Variants in MFAP5 observed in about 807,000 individuals in gnomAD.
The protein encoded by MFAP5 is microfibrillar-associated protein 5.
Under a neutral mutation model 30.1 loss-of-function variants are expected in MFAP5, and 19 were observed. The observed-to-expected ratio is 0.63, with a 90% CI of 0.44 to 0.93. MFAP5 has a LOEUF of 0.93. Among genes scored for constraint, MFAP5 ranks in the 40% least tolerant of loss-of-function variants. The pLI, the probability that MFAP5 is intolerant of heterozygous loss-of-function variation, is 0.00. For synonymous variants in MFAP5, 92 were observed against 72.9 expected, an observed-to-expected ratio of 1.26 and a Z score of -1.33; for missense variants, 210 against 221.3, an observed-to-expected ratio of 0.95 and a Z score of 0.32.
rs190648480 is a variant in MFAP5 at position 8,659,555 on chromosome 12, C to G, written c.94+1308G>C. ...ATTCCGATTTTCAGTTTTGCTGGTA[C>G]TAAAATCTCGGGAGGCCTTTCCCCT... On this transcript the variant is annotated intron_variant, in intron 3 of 9. Transcript: ENST00000359478. Among the ~76,000 whole-genome samples, 9 of 152,280 alleles carry G rather than the reference C, an allele frequency of 5.9e-5. No homozygotes were observed. In the East Asian group the frequency reaches 1.7e-3, roughly 29 times the overall value.
chr12:8,658,350 A>T (rs1301375512), intron 3 of MFAP5, among the ~76,000 whole-genome samples: 1 of 152,210 alleles, frequency 6.6e-6, no homozygotes, highest in African/African-American at 2.4e-5. Context: ...TCTGCCAAAA[A>T]AAAAATTCAT....
chr12:8,661,246 C>T (rs765828211), intron 2 of MFAP5, among the ~76,000 whole-genome samples: 8 of 152,232 alleles, frequency 5.3e-5, no homozygotes, highest in Admixed American at 2.6e-4. Context: ...TCTAGCCCCA[C>T]GGCTTCCCCG....
chr12:8,652,177 G>C (rs868786420), intron 6 of MFAP5, among the ~76,000 whole-genome samples: 2 of 152,124 alleles, frequency 1.3e-5, no homozygotes, highest in Admixed American at 6.5e-5. Flanking sequence ...GGGCACAATG[G>C]CTCACACCTG....
intron 3 of MFAP5, among the ~76,000 whole-genome samples, chr12:8,659,243 G>T (rs1942083139): frequency 6.6e-6 from 1 of 151,958 alleles, no homozygotes; most frequent in African/African-American, 2.4e-5. Flanking sequence ...GGGAGATGGA[G>T]GTTGCAGTGA....
In MFAP5 at chr12:8,655,107, G is replaced by A. The variant is rs35866343; in HGVS notation, c.172+308C>T. 0.098 allele frequency among the ~76,000 whole-genome samples: 14,946 copies of A among 151,844 alleles called. 775 individuals are homozygous for A. Among genetic ancestry groups the A allele is most frequent in the African/African-American group, 0.13 (5,265 of 41,396 alleles). ...AGCTCGGCCAACATGGTGAAATCCC[G>A]TCTCTACTAAAAATACAAAAATTAG... On this transcript the variant is annotated intron_variant, in intron 5 of 9. Coordinates refer to ENST00000359478, the MANE Select transcript of MFAP5 (RefSeq NM_003480.4).
chr12:8,649,687 T>A, intron 8 of MFAP5, 113 bp from the exon 9 acceptor site: 2 of 756,610 alleles, frequency 2.6e-6, no homozygotes, highest in South Asian at 3.1e-5. Flanking sequence ...ACTTTCCCTA[T>A]CTGCTTTTCC....
chr12:8,650,475 C>CT, intron 8 of MFAP5, 27 bp downstream of exon 8: 1 of 1,602,008 alleles, frequency 6.2e-7, no homozygotes, highest in Non-Finnish European at 8.6e-7. Context: ...ATGGAAGATG[C>CT]TTTTTGGGCA....
intron 6 of MFAP5, among the ~76,000 whole-genome samples, chr12:8,652,873 C>T (rs1941874971): frequency 6.6e-6 from 1 of 152,174 alleles, no homozygotes; most frequent in East Asian, 1.9e-4. Flanking sequence ...GACCACCATC[C>T]ACCCAATAGC....
At chr12:8,656,172 T>C (rs1258391367) in intron 3 of MFAP5, among the ~76,000 whole-genome samples, 4 of 150,662 alleles carry the variant, frequency 2.7e-5, no homozygotes, top group African/African-American at 9.8e-5. Context: ...ATCATTCTCC[T>C]GCCTCAGCCT....
chr12:8,658,029 C>G (rs1421565775), intron 3 of MFAP5, among the ~76,000 whole-genome samples: 1 of 152,136 alleles, frequency 6.6e-6, no homozygotes, highest in Non-Finnish European at 1.5e-5. Context: ...CTTACCTCAT[C>G]CTGTTTTCTA....
intron 7 of MFAP5, among the ~76,000 whole-genome samples, chr12:8,651,073 G>A (rs1169925478): frequency 6.6e-6 from 1 of 151,984 alleles, no homozygotes; most frequent in Non-Finnish European, 1.5e-5. Context: ...AGGCTGAGGC[G>A]GGAGAATCAC....
intron 5 of MFAP5, among the ~76,000 whole-genome samples, chr12:8,655,022 G>A (rs1194240943): frequency 6.6e-6 from 1 of 151,724 alleles, no homozygotes; most frequent in Non-Finnish European, 1.5e-5. Flanking sequence ...CAGGCTGGAC[G>A]CTGTGGCTCA....
Position 8,650,541 on chromosome 12 carries a change from C to T in MFAP5, c.296G>A (p.Arg99Gln), listed in dbSNP as rs756494536. The change falls in exon 8 of 10, where the codon CGG becomes CAG. Residue 99 changes from arginine (R) to glutamine (Q), a missense_variant. Physicochemically the swap from Arg to Gln is conservative, Grantham distance 43. Transcript: ENST00000359478. ...CTGATGAATGCATTGTTTAACCGGC[C>T]GATGCACAGAGTAGAGCCTTGTGCA... is the stretch of plus-strand genomic sequence containing the variant. ...FTCTRLYSVH[R>Q]PVKQCIHQLC... 151 of 1,613,888 alleles carry T rather than the reference C, an allele frequency of 9.4e-5. No homozygotes were observed. Among genetic ancestry groups the T allele is most frequent in the Middle Eastern group, 4.9e-4 (3 of 6,084 alleles).
chr12:8,654,557 T>G, intron 5 of MFAP5, 76 bp from the exon 6 acceptor site: 1 of 1,383,724 alleles, frequency 7.2e-7, no homozygotes, highest in Non-Finnish European at 1.0e-6. Flanking sequence ...AAAGGGAGAA[T>G]GGAGATACCG....
chr12:8,659,378 A>G (rs1484759739), intron 3 of MFAP5, among the ~76,000 whole-genome samples: 1 of 151,916 alleles, frequency 6.6e-6, no homozygotes, highest in African/African-American at 2.4e-5. Flanking sequence ...GCCTCAAGTG[A>G]TCATCCCACC....
intron 3 of MFAP5, among the ~76,000 whole-genome samples, chr12:8,660,110 G>GA (rs1170900876): frequency 6.6e-6 from 1 of 151,452 alleles, no homozygotes; most frequent in Non-Finnish European, 1.5e-5. Flanking sequence ...CTAAAAAGCT[G>GA]AAAAACCAAA....
intron 3 of MFAP5, chr12:8,658,496 A>G (rs1057150060): frequency 1.3e-5 from 2 of 152,242 alleles, no homozygotes; most frequent in South Asian, 2.1e-4. Context: ...GTCTGTTCCA[A>G]TCCCACAGGA....
At position 8,645,989 on chromosome 12, in the gene MFAP5, AT is replaced by A. The variant is rs1238802014; in HGVS notation, c.*2101del. 3.3e-5 allele frequency: 5 copies of A among 152,574 alleles called. No homozygotes were observed. Among genetic ancestry groups the A allele is most frequent in the East Asian group, 1.9e-4 (1 of 5,200 alleles). 9.5% of individuals were successfully genotyped at this position (152,574 alleles called of 1,614,324 possible). A position where few individuals can be genotyped will look rare whatever the true frequency, so the allele number is the denominator to read the frequency against. The stretch of plus-strand genomic sequence containing the variant: ...ATTTTGAGAAATAAATTGGAAAAAA[AT>A]ATTTTAAAATGTTTAATTTGCAATA... On this transcript the variant is annotated 3_prime_UTR_variant, in exon 10 of 10. Coordinates refer to ENST00000359478, the MANE Select transcript of MFAP5 (RefSeq NM_003480.4).
chr12:8,655,524 G>T (rs1941957614), intron 4 of MFAP5, 77 bp from the exon 5 acceptor site: 3 of 1,431,784 alleles, frequency 2.1e-6, no homozygotes, highest in African/African-American at 2.9e-5. Flanking sequence ...AGGGGACGAT[G>T]ATCTCAAAGG....
Sources: allele counts gnomAD v4.1 joint callset (sites outside exome capture counted in the v4.1 genomes callset), GRCh38; gene constraint gnomAD v4.1.1; transcripts MANE v1.5; gene names NCBI Gene and HGNC (gene_info 2026-07-23, HGNC 2026-07-21).